The following SP140 variants were observed in gnomAD, a reference collection of about 807,000 sequenced individuals.
SP140 encodes the protein SP140 nuclear body protein.
In SP140, 81 loss-of-function variants were observed where a neutral mutation model predicts 125.0. The ratio of observed to expected loss-of-function variants is 0.65; its 90% confidence interval spans 0.54 to 0.78. The LOEUF is 0.78. SP140 is among the 30% of genes least tolerant of loss of function. The pLI is 0.00. For missense variants in SP140, 858 were observed against 1,037.0 expected (o/e 0.83, Z 2.37); for synonymous variants, 312 against 354.0 (o/e 0.88, Z 1.33).
chr2:230,281,120 C>T (rs1249165490), intron 15 of SP140, among the ~76,000 whole-genome samples: 2 of 152,086 alleles, frequency 1.3e-5, no homozygotes, highest in African/African-American at 4.8e-5. Context: ...ATATTCTGTC[C>T]TTTCTCTCTA....
Position 230,226,946 on chromosome 2 carries a change from T to C in SP140, c.59+1043T>C, listed in dbSNP as rs910066091. ...ACAGTATAACTATTTGTATAGCATT[T>C]ACATTGTATTAGGTATTATAAGTCT... is the stretch of plus-strand genomic sequence containing the variant. On this transcript the variant is annotated intron_variant, in intron 1 of 26. Coordinates refer to ENST00000392045, the MANE Select transcript of SP140 (RefSeq NM_007237.5). Among the ~76,000 whole-genome samples, 4 of 152,162 alleles carry C rather than the reference T, an allele frequency of 2.6e-5. No homozygotes were observed. The East Asian group carries it at 7.7e-4, about 29-fold the overall frequency.
rs1224430066 is a variant in SP140 at position 230,291,527 on chromosome 2, C to T, written c.1825+963C>T. Among the ~76,000 whole-genome samples the T allele has an allele frequency of 2.6e-5, 4 of 152,170 alleles. No individual in the cohort carries two copies. In the South Asian group the frequency reaches 8.3e-4, roughly 32 times the overall value. ...AGAAGTGGAATCCTATAATACATGCCCTTTCCTGACTGCCTTCATTCACTA... is the reference window on the plus strand; with the variant it reads ...AGAAGTGGAATCCTATAATACATGCTCTTTCCTGACTGCCTTCATTCACTA... On this transcript the variant is annotated intron_variant, in intron 19 of 26. Coordinates refer to ENST00000392045, the MANE Select transcript of SP140 (RefSeq NM_007237.5).
intron 12 of SP140, among the ~76,000 whole-genome samples, chr2:230,256,872 T>C (rs1233107527): frequency 6.6e-6 from 1 of 152,210 alleles, no homozygotes; most frequent in Non-Finnish European, 1.5e-5. Context: ...CATTATGTCA[T>C]TGGATCATGC....
chr2:230,245,239 G>A (rs1293456295), intron 6 of SP140, among the ~76,000 whole-genome samples, 159 bp downstream of exon 6: 3 of 152,104 alleles, frequency 2.0e-5, no homozygotes, highest in East Asian at 1.9e-4. Context: ...GGTAAAGGAC[G>A]GCTAAGTCCT....
chr2:230,246,814 G>A (rs1051989815), intron 7 of SP140, among the ~76,000 whole-genome samples: 6 of 152,160 alleles, frequency 3.9e-5, no homozygotes, highest in African/African-American at 1.4e-4. Flanking sequence ...AATACTGTGA[G>A]AGGAACAGAG....
upstream of SP140, chr2:230,202,827 C>T: frequency 8.9e-7 from 1 of 1,118,418 alleles, no homozygotes; most frequent in Non-Finnish European, 1.4e-6. Flanking sequence ...CCCTAACTCC[C>T]ACTCTTTCAG....
At position 230,306,930 on chromosome 2, in the gene SP140, T is replaced by C. The variant is rs2058817890; in HGVS notation, c.2059-2994T>C. ...AGGGCCTGAAGGCTGGGAACTGGGC[T>C]GCCAATCCTATGGACCAGAGTGGGA... On this transcript the variant is annotated intron_variant, in intron 22 of 26. Transcript: ENST00000392045. Among the ~76,000 whole-genome samples, 4 of 152,218 alleles carry C rather than the reference T, an allele frequency of 2.6e-5. No homozygotes were observed. In the South Asian group the frequency reaches 8.3e-4, roughly 32 times the overall value.
At chr2:230,312,208 C>T (rs2059386442) in intron 26 of SP140, among the ~76,000 whole-genome samples, 3 of 152,184 alleles carry the variant, frequency 2.0e-5, no homozygotes, top group South Asian at 2.1e-4. Context: ...TGGTAAGAAA[C>T]GGAAGTTACT....
intron 15 of SP140, 85 bp from the exon 16 acceptor site, chr2:230,284,261 A>C: frequency 1.5e-6 from 2 of 1,344,356 alleles, no homozygotes; most frequent in Non-Finnish European, 2.0e-6. Flanking sequence ...GTATGAAAAA[A>C]AATCTTTAAT....
At chr2:230,188,196 C>T in the SP140 span, among the ~76,000 whole-genome samples, 1 of 152,140 alleles carries the variant, frequency 6.6e-6, no homozygotes, top group African/African-American at 2.4e-5. Flanking sequence ...CTGTAGAAAT[C>T]TTTCATCTCC....
chr2:230,224,875 C>T (rs979505488), upstream of SP140, among the ~76,000 whole-genome samples: 26 of 152,254 alleles, frequency 1.7e-4, no homozygotes, highest in African/African-American at 6.0e-4. Flanking sequence ...GATTTCTAGT[C>T]CTGTGGTTAT....
rs997957090 is a variant in SP140 at position 230,251,155 on chromosome 2, A to G, written c.1057+94A>G. 14 of 1,001,308 alleles carry G rather than the reference A, an allele frequency of 1.4e-5. No homozygotes were observed. In the African/African-American group the frequency reaches 2.1e-4, roughly 15 times the overall value. 62.0% of individuals were successfully genotyped at this position (1,001,308 alleles called of 1,614,324 possible). A position where few individuals can be genotyped will look rare whatever the true frequency, so the allele number is the denominator to read the frequency against. On this transcript the variant is annotated intron_variant, in intron 10 of 26. Transcript: ENST00000392045. ...TCCTGATTGTCTTTCCTCCAAGTATACTTCACAGTGAAAGAATGCAATTAA... is the reference window on the plus strand; with the variant it reads ...TCCTGATTGTCTTTCCTCCAAGTATGCTTCACAGTGAAAGAATGCAATTAA...
Position 230,311,918 on chromosome 2 carries a change from T to G in SP140, c.2505+323T>G, listed in dbSNP as rs529139000. Reference sequence around the variant, plus strand: ...AGAGAATTTCATCTTAAAGTGGTATTGTGCTTCTTATCTGCTCCCAATCCC... The same window carrying G: ...AGAGAATTTCATCTTAAAGTGGTATGGTGCTTCTTATCTGCTCCCAATCCC... On this transcript the variant is annotated intron_variant, in intron 26 of 26. Coordinates refer to ENST00000392045, the MANE Select transcript of SP140 (RefSeq NM_007237.5). Among the ~76,000 whole-genome samples, 227 of 152,328 alleles carry G rather than the reference T, an allele frequency of 1.5e-3. 1 individual carries two copies. The highest frequency in any genetic ancestry group is 5.2e-3 in the African/African-American group (216 of 41,564).
chr2:230,227,404 G>GAC (rs1284177237), intron 1 of SP140, among the ~76,000 whole-genome samples: 1 of 152,214 alleles, frequency 6.6e-6, no homozygotes, highest in Non-Finnish European at 1.5e-5. Context: ...GCAGGAAGAA[G>GAC]ACGGCACTGA....
At chr2:230,275,158 A>G (rs2054527656) in intron 15 of SP140, among the ~76,000 whole-genome samples, 1 of 152,120 alleles carries the variant, frequency 6.6e-6, no homozygotes, top group Non-Finnish European at 1.5e-5. Flanking sequence ...GATATATACT[A>G]AGGGTTGACT....
At chr2:230,232,786 G>A (rs1467483203) in intron 1 of SP140, among the ~76,000 whole-genome samples, 2 of 151,996 alleles carry the variant, frequency 1.3e-5, no homozygotes, top group Non-Finnish European at 2.9e-5. Flanking sequence ...GTGTATCTTT[G>A]TTCTTTTATT....
chr2:230,290,341 A>G (rs2056970978), intron 18 of SP140, 119 bp from the exon 19 acceptor site: 2 of 887,596 alleles, frequency 2.3e-6, no homozygotes, highest in Admixed American at 5.5e-5. Context: ...TTGAAACTCT[A>G]GAGGGTTTTG....
intron 3 of SP140, among the ~76,000 whole-genome samples, chr2:230,240,185 G>A (rs1292178523): frequency 1.3e-5 from 2 of 151,070 alleles, no homozygotes; most frequent in African/African-American, 4.9e-5. Context: ...CACAAATCTA[G>A]AAGTTAAGAC....
intron 1 of SP140, among the ~76,000 whole-genome samples, chr2:230,232,555 A>G (rs556765305): frequency 1.3e-5 from 2 of 152,272 alleles, no homozygotes; most frequent in South Asian, 4.1e-4. Flanking sequence ...GAACTTTTAC[A>G]TTTTTGAAGT....
Sources: gnomAD v4.1 joint callset for allele counts (sites outside exome capture counted in the v4.1 genomes callset) on GRCh38, gnomAD v4.1.1 for gene constraint, MANE v1.5 for transcripts, NCBI Gene and HGNC (gene_info 2026-07-23, HGNC 2026-07-21) for gene names.